Variants in SOX6 observed in about 807,000 individuals in gnomAD.
SOX6 encodes transcription factor SOX-6.
A neutral mutation model predicts 97.8 loss-of-function variants in SOX6; 11 were observed. That is an observed-to-expected ratio of 0.11 (90% CI 0.07 to 0.19). SOX6 has a LOEUF of 0.19. Ranked by LOEUF, SOX6 falls within the 10% of genes least tolerant of loss-of-function variation. The probability of loss-of-function intolerance (pLI) is 1.00; values close to 1 mark genes in which losing one functional copy is unlikely to be tolerated. For missense variants in SOX6, 810 were observed against 1,039.5 expected, an observed-to-expected ratio of 0.78 and a Z score of 3.04; for synonymous variants, 360 against 371.4, an observed-to-expected ratio of 0.97 and a Z score of 0.35.
chr11:16,317,302 T>G (rs1301005066), intron 3 of SOX6: 1 of 151,408 alleles, frequency 6.6e-6, no homozygotes, highest in African/African-American at 2.4e-5. Flanking sequence ...AAGTTTATAG[T>G]TAATATTCAT....
chr11:16,052,349 C>T (rs768543274), intron 10 of SOX6, among the ~76,000 whole-genome samples: 2 of 151,970 alleles, frequency 1.3e-5, no homozygotes, highest in Non-Finnish European at 2.9e-5. Context: ...TGTCACAGAC[C>T]CCCACTATTC....
chr11:16,229,569 T>A (rs1852787955), intron 4 of SOX6, among the ~76,000 whole-genome samples: 1 of 151,564 alleles, frequency 6.6e-6, no homozygotes, highest in South Asian at 2.1e-4. Flanking sequence ...AAAACAAATA[T>A]GCAAAATTAA....
At chr11:16,383,161 T>C (rs978000962) in intron 1 of SOX6, among the ~76,000 whole-genome samples, 1 of 151,940 alleles carries the variant, frequency 6.6e-6, no homozygotes, top group Non-Finnish European at 1.5e-5. Flanking sequence ...TCATAAAATG[T>C]TTAAAGTTCA....
intron 1 of SOX6, among the ~76,000 whole-genome samples, chr11:16,452,970 G>A (rs1036331539): frequency 1.2e-4 from 19 of 152,132 alleles, no homozygotes; most frequent in Non-Finnish European, 2.4e-4. Context: ...GATGAACAGG[G>A]ATGCTCCACA....
At chr11:16,637,266 G>C (rs962985540) in intron 3 of SOX6, among the ~76,000 whole-genome samples, 1 of 152,166 alleles carries the variant, frequency 6.6e-6, no homozygotes, top group East Asian at 1.9e-4. Flanking sequence ...TATCGCCCAG[G>C]CTGGAGTGCA....
chr11:16,342,957 G>T (rs1424342614), intron 1 of SOX6, among the ~76,000 whole-genome samples: 1 of 151,784 alleles, frequency 6.6e-6, no homozygotes, highest in Admixed American at 6.6e-5. Context: ...GCAAAAGAAT[G>T]CCTATAATTT....
intron 3 of SOX6, among the ~76,000 whole-genome samples, chr11:16,711,899 C>T (rs938062844): frequency 6.6e-6 from 1 of 152,064 alleles, no homozygotes; most frequent in African/African-American, 2.4e-5. Flanking sequence ...CCCCGAAGTC[C>T]ATCATATCAT....
chr11:16,566,252 T>C (rs914459419), intron 4 of SOX6, among the ~76,000 whole-genome samples: 2 of 152,190 alleles, frequency 1.3e-5, no homozygotes, highest in African/African-American at 2.4e-5. Context: ...CCTAAAGTGC[T>C]ACAGCAGAAG....
intron 3 of SOX6, among the ~76,000 whole-genome samples, chr11:16,246,219 T>A (rs990775030): frequency 6.6e-6 from 1 of 151,608 alleles, no homozygotes; most frequent in African/African-American, 2.4e-5. Context: ...AGGTATTAGT[T>A]CCATATGTTT....
chr11:16,197,854 T>C (rs539729704), intron 4 of SOX6, among the ~76,000 whole-genome samples: 8 of 152,318 alleles, frequency 5.3e-5, no homozygotes, highest in Non-Finnish European at 8.8e-5. Context: ...CATGCTAAAG[T>C]AGAACATGAA....
intron 3 of SOX6, among the ~76,000 whole-genome samples, chr11:16,266,087 A>G (rs1209859166): frequency 2.0e-5 from 3 of 151,754 alleles, no homozygotes; most frequent in Non-Finnish European, 4.4e-5. Context: ...ATTCAAACCA[A>G]GCACAAGAAA....
chr11:16,364,278 A>T (rs541023500), intron 1 of SOX6, among the ~76,000 whole-genome samples: 82 of 152,236 alleles, frequency 5.4e-4, no homozygotes, highest in African/African-American at 1.9e-3. Flanking sequence ...ACCAGAAAAA[A>T]ATGTCAGGAC....
intron 3 of SOX6, chr11:16,270,110 T>C (rs961563940): frequency 4.6e-5 from 7 of 151,258 alleles, no homozygotes; most frequent in Non-Finnish European, 1.5e-5. Flanking sequence ...GGGTTTAATA[T>C]TAGCAATATA....
chr11:16,347,941 T>G (rs757246551), intron 1 of SOX6, among the ~76,000 whole-genome samples: 4 of 152,000 alleles, frequency 2.6e-5, no homozygotes, highest in Non-Finnish European at 5.9e-5. Flanking sequence ...CCAAGTCCAC[T>G]CTTTCATGTG....
chr11:16,731,681 A>G (rs745395265), intron 2 of SOX6, among the ~76,000 whole-genome samples: 2 of 151,996 alleles, frequency 1.3e-5, no homozygotes, highest in African/African-American at 2.4e-5. Context: ...TTTGAAATGC[A>G]CAAGACAAGG....
At chr11:16,208,020 ATTAAG>A (rs1308421866) in intron 4 of SOX6, among the ~76,000 whole-genome samples, 1 of 152,200 alleles carries the variant, frequency 6.6e-6, no homozygotes. Flanking sequence ...AGGCTAACTA[ATTAAG>A]TTATTTCTTC....
At chr11:16,499,803 T>C (rs1860670266) in intron 4 of SOX6, among the ~76,000 whole-genome samples, 1 of 152,090 alleles carries the variant, frequency 6.6e-6, no homozygotes, top group African/African-American at 2.4e-5. Flanking sequence ...GGCTCTGAAA[T>C]TGAGGCAATA....
intron 3 of SOX6, among the ~76,000 whole-genome samples, chr11:16,631,812 G>C: frequency 6.6e-6 from 1 of 151,760 alleles, no homozygotes; most frequent in East Asian, 1.9e-4. Flanking sequence ...TGTCTAACTG[G>C]GTTAGTTACA....
intron 9 of SOX6, among the ~76,000 whole-genome samples, chr11:16,072,149 C>A (rs763243434): frequency 2.0e-5 from 3 of 152,022 alleles, no homozygotes; most frequent in Non-Finnish European, 2.9e-5. Flanking sequence ...GAATGAAGAT[C>A]ATCAACATTC....
Sources: allele counts gnomAD v4.1 joint callset (sites outside exome capture counted in the v4.1 genomes callset), GRCh38; gene constraint gnomAD v4.1.1; transcripts MANE v1.5; gene names NCBI Gene and HGNC (gene_info 2026-07-23, HGNC 2026-07-21).